ATP2B1: variants seen among roughly 807,000 people sequenced by gnomAD.
ATP2B1 encodes the protein plasma membrane calcium-transporting ATPase 1.
ATP2B1 carries 14 observed loss-of-function variants against 124.2 expected under a neutral mutation model. That is an observed-to-expected ratio of 0.11 (90% CI 0.07 to 0.18). The LOEUF is 0.18. ATP2B1 is among the 10% of genes least tolerant of loss of function. The pLI is 1.00. For missense variants in ATP2B1, 763 were observed against 1,466.1 expected, an observed-to-expected ratio of 0.52 and a Z score of 7.83; for synonymous variants, 449 against 492.4, an observed-to-expected ratio of 0.91 and a Z score of 1.17.
chr12:89,665,151 A>G (rs1887158887), intron 1 of ATP2B1, among the ~76,000 whole-genome samples: 1 of 152,210 alleles, frequency 6.6e-6, no homozygotes, highest in Admixed American at 6.5e-5. Flanking sequence ...CTTGATGTGC[A>G]TGGATAACTG....
intron 3 of ATP2B1, among the ~76,000 whole-genome samples, chr12:89,639,528 A>G (rs1392033194): frequency 1.3e-5 from 2 of 150,514 alleles, no homozygotes; most frequent in African/African-American, 2.4e-5. Flanking sequence ...CTCTCTCTAT[A>G]TATTTTATAT....
intron 2 of ATP2B1, among the ~76,000 whole-genome samples, chr12:89,649,976 T>G (rs568521444): frequency 6.6e-6 from 1 of 152,290 alleles, no homozygotes; most frequent in East Asian, 1.9e-4. Context: ...CACTTTACCT[T>G]CTGCCATGAG....
chr12:89,629,250 C>T (rs1387232260), intron 6 of ATP2B1, among the ~76,000 whole-genome samples: 2 of 152,154 alleles, frequency 1.3e-5, no homozygotes, highest in African/African-American at 4.8e-5. Flanking sequence ...CTGTCACTTA[C>T]TAGCACTTTG....
intron 9 of ATP2B1, among the ~76,000 whole-genome samples, chr12:89,623,457 TAAGC>T: frequency 6.6e-6 from 1 of 152,276 alleles, no homozygotes; most frequent in African/African-American, 2.4e-5. Flanking sequence ...TAAACAGCAG[TAAGC>T]AAAGCCATCA....
chr12:89,619,108 CT>C (rs1452413109), intron 11 of ATP2B1, among the ~76,000 whole-genome samples: 1 of 151,976 alleles, frequency 6.6e-6, no homozygotes, highest in African/African-American at 2.4e-5. Flanking sequence ...ATTAAAGCTA[CT>C]GATCTGTAAA....
chr12:89,676,628 G>A (rs1426790853), intron 1 of ATP2B1, among the ~76,000 whole-genome samples: 2 of 151,928 alleles, frequency 1.3e-5, no homozygotes, highest in African/African-American at 2.4e-5. Flanking sequence ...TGTTTATGTA[G>A]GTAATATCTG....
intron 20 of ATP2B1, among the ~76,000 whole-genome samples, chr12:89,596,497 G>C (rs1874643165): frequency 6.6e-6 from 1 of 152,088 alleles, no homozygotes; most frequent in South Asian, 2.1e-4. Flanking sequence ...AATACTAACT[G>C]TCTGTTAGAT....
At chr12:89,621,225 C>A (rs775349927) in intron 10 of ATP2B1, among the ~76,000 whole-genome samples, 15 of 151,996 alleles carry the variant, frequency 9.9e-5, no homozygotes, top group Non-Finnish European at 7.4e-5. Flanking sequence ...GAGCTGACCT[C>A]CTATAGTAAG....
chr12:89,596,921 C>G (rs145901079), intron 20 of ATP2B1, among the ~76,000 whole-genome samples: 1 of 152,098 alleles, frequency 6.6e-6, no homozygotes, highest in African/African-American at 2.4e-5. Flanking sequence ...AGATTATAAT[C>G]ACTGAGGCCT....
intron 12 of ATP2B1, among the ~76,000 whole-genome samples, chr12:89,614,797 C>T (rs1878668699): frequency 6.6e-6 from 1 of 152,148 alleles, no homozygotes; most frequent in South Asian, 2.1e-4. Context: ...CATATTACTT[C>T]CTACTGGTTC....
chr12:89,622,171 A>C (rs187534843), intron 9 of ATP2B1, among the ~76,000 whole-genome samples: 4 of 152,236 alleles, frequency 2.6e-5, no homozygotes, highest in Non-Finnish European at 5.9e-5. Flanking sequence ...TACTTATAGT[A>C]GTGTAAGAGT....
chr12:89,627,960 T>C (rs1425240263), intron 6 of ATP2B1, among the ~76,000 whole-genome samples: 3 of 152,216 alleles, frequency 2.0e-5, no homozygotes, highest in Admixed American at 6.5e-5. Context: ...TAGGACTTCA[T>C]TATTTTATAA....
At chr12:89,641,586 T>C (rs978435349) in intron 3 of ATP2B1, among the ~76,000 whole-genome samples, 1 of 152,210 alleles carries the variant, frequency 6.6e-6, no homozygotes, top group Non-Finnish European at 1.5e-5. Context: ...ATTTTTCCAC[T>C]TGTGGCATCA....
intron 2 of ATP2B1, among the ~76,000 whole-genome samples, chr12:89,643,101 T>C (rs1445608939): frequency 3.6e-4 from 44 of 122,770 alleles, no homozygotes; most frequent in Non-Finnish European, 5.0e-4. Context: ...CATATATACA[T>C]ACGTATATAT....
At chr12:89,695,477 AG>A (rs1322769126) in intron 1 of ATP2B1, among the ~76,000 whole-genome samples, 1 of 152,120 alleles carries the variant, frequency 6.6e-6, no homozygotes. Flanking sequence ...ATTAAAAAAA[AG>A]AAAAAAATTC....
intron 19 of ATP2B1, among the ~76,000 whole-genome samples, chr12:89,599,771 T>C (rs1269432351): frequency 6.6e-6 from 1 of 152,218 alleles, no homozygotes; most frequent in Non-Finnish European, 1.5e-5. Flanking sequence ...TTTTGTTACA[T>C]ATTTTTTTTA....
chr12:89,675,058 T>G (rs1439706939), intron 1 of ATP2B1, among the ~76,000 whole-genome samples: 1 of 152,200 alleles, frequency 6.6e-6, no homozygotes, highest in Non-Finnish European at 1.5e-5. Flanking sequence ...TATTATGTAT[T>G]AAGAAGCTGT....
At chr12:89,705,082 C>T (rs561951836) in intron 1 of ATP2B1, among the ~76,000 whole-genome samples, 87 of 152,132 alleles carry the variant, frequency 5.7e-4, no homozygotes, top group Non-Finnish European at 2.2e-4. Context: ...CTCTACTTTC[C>T]TATGTTTGAT....
chr12:89,689,549 C>A (rs990303673), intron 1 of ATP2B1, among the ~76,000 whole-genome samples: 1 of 152,050 alleles, frequency 6.6e-6, no homozygotes, highest in Non-Finnish European at 1.5e-5. Flanking sequence ...GACAAATGCA[C>A]TAACAACCAT....
Sources: allele counts gnomAD v4.1 joint callset (sites outside exome capture counted in the v4.1 genomes callset), GRCh38; gene constraint gnomAD v4.1.1; transcripts MANE v1.5; gene names NCBI Gene and HGNC (gene_info 2026-07-23, HGNC 2026-07-21).